Variants in NPSR1 observed in about 807,000 individuals in gnomAD.
NPSR1 encodes neuropeptide S receptor.
Under a neutral mutation model 46.9 loss-of-function variants are expected in NPSR1, and 48 were observed. That is an observed-to-expected ratio of 1.02 (90% CI 0.81 to 1.30). The LOEUF (loss-of-function observed/expected upper bound fraction) is 1.30, where lower values mean the gene tolerates loss of function less well. Among genes scored for constraint, NPSR1 ranks in the 50% most tolerant of loss-of-function variants. The probability of loss-of-function intolerance (pLI) is 0.00; values close to 1 mark genes in which losing one functional copy is unlikely to be tolerated. For missense variants in NPSR1, 450 were observed against 449.5 expected (o/e 1.00, Z -0.01); for synonymous variants, 176 against 168.1 (o/e 1.05, Z -0.36).
intron 2 of NPSR1, among the ~76,000 whole-genome samples, chr7:34,771,965 A>G (rs1786705284): frequency 6.6e-6 from 1 of 152,214 alleles, no homozygotes; most frequent in South Asian, 2.1e-4. Flanking sequence ...TAAACCATGA[A>G]GTCTACCTAG....
chr7:34,715,512 C>T (rs1783517545), intron 2 of NPSR1, among the ~76,000 whole-genome samples: 1 of 152,122 alleles, frequency 6.6e-6, no homozygotes, highest in Non-Finnish European at 1.5e-5. Flanking sequence ...CACAATATCC[C>T]ATGGATGGGG....
Position 34,750,637 on chromosome 7 carries a change from C to T in NPSR1, c.281-27825C>T. 6 of 687,758 alleles carry T rather than the reference C, an allele frequency of 8.7e-6. No homozygotes were observed. In the Admixed American group the frequency reaches 1.1e-4, roughly 13 times the overall value. The allele number at this position is 687,758 out of a possible 1,614,324, so 42.6% of individuals were successfully genotyped here. A position where few individuals can be genotyped will look rare whatever the true frequency, so the allele number is the denominator to read the frequency against. ...TTATAGCCTTGCCCTCAGGCTTGGC[C>T]CCATGTTGTAGCTTGCCCATAACTG... On this transcript the variant is annotated intron_variant, in intron 2 of 8. Transcript: ENST00000360581.
intron 2 of NPSR1, among the ~76,000 whole-genome samples, chr7:34,696,719 A>G (rs1240911257): frequency 6.6e-6 from 1 of 151,846 alleles, no homozygotes; most frequent in African/African-American, 2.4e-5. Context: ...ATATGGAAGT[A>G]GTGAAAAGGA....
intron 2 of NPSR1, among the ~76,000 whole-genome samples, chr7:34,721,205 A>G (rs144911818): frequency 5.2e-3 from 786 of 152,366 alleles, no homozygotes; most frequent in Non-Finnish European, 7.7e-3. Flanking sequence ...TTCATGTTGC[A>G]TAACACCCAA....
chr7:34,684,784 T>A (rs1010208366), intron 2 of NPSR1, 100 bp downstream of exon 2: 5 of 959,980 alleles, frequency 5.2e-6, no homozygotes, highest in Non-Finnish European at 7.5e-6. Context: ...ATGTAACGCA[T>A]CGGTCAATTT....
At chr7:34,768,076 A>C (rs1360847263) in intron 2 of NPSR1, among the ~76,000 whole-genome samples, 1 of 152,200 alleles carries the variant, frequency 6.6e-6, no homozygotes, top group East Asian at 1.9e-4. Flanking sequence ...TCTGATAACT[A>C]TATGTACTGA....
At chr7:34,833,836 C>T (rs1790234199) in intron 5 of NPSR1, among the ~76,000 whole-genome samples, 1 of 152,142 alleles carries the variant, frequency 6.6e-6, no homozygotes. Context: ...TGGCACCTTG[C>T]TTCTTCAAAG....
intron 4 of NPSR1, among the ~76,000 whole-genome samples, chr7:34,821,340 G>A (rs756058360): frequency 6.6e-6 from 1 of 151,916 alleles, no homozygotes; most frequent in Non-Finnish European, 1.5e-5. Flanking sequence ...GTGTTGGCCA[G>A]GCTGGTCTCA....
chr7:34,761,448 CA>C (rs1189611059), intron 2 of NPSR1, among the ~76,000 whole-genome samples: 1 of 152,206 alleles, frequency 6.6e-6, no homozygotes, highest in Non-Finnish European at 1.5e-5. Flanking sequence ...CACAGCTGGA[CA>C]GCAAGGTCTT....
intron 5 of NPSR1, among the ~76,000 whole-genome samples, chr7:34,833,657 G>T (rs1445400729): frequency 3.9e-5 from 6 of 152,188 alleles, no homozygotes; most frequent in Admixed American, 3.9e-4. Context: ...CACAGTTTCT[G>T]TGGGTCAAGA....
chr7:34,794,181 T>C (rs567414606), intron 3 of NPSR1, among the ~76,000 whole-genome samples: 2 of 152,158 alleles, frequency 1.3e-5, no homozygotes, highest in South Asian at 4.1e-4. Context: ...TAAAAAACAA[T>C]AGTGTATTAT....
chr7:34,848,385 C>A, intron 7 of NPSR1, 98 bp from the exon 8 acceptor site: 1 of 971,778 alleles, frequency 1.0e-6, no homozygotes, highest in Non-Finnish European at 1.6e-6. Flanking sequence ...AATTCCAGGT[C>A]CCAAAGAACC....
At chr7:34,856,916 G>C (rs1405683745) in intron 8 of NPSR1, among the ~76,000 whole-genome samples, 1 of 151,400 alleles carries the variant, frequency 6.6e-6, no homozygotes, top group Non-Finnish European at 1.5e-5. Flanking sequence ...TAGATGGGGG[G>C]GGAAATCTCT....
chr7:34,830,684 C>T (rs534737662), intron 5 of NPSR1, among the ~76,000 whole-genome samples: 8 of 152,020 alleles, frequency 5.3e-5, no homozygotes, highest in Non-Finnish European at 1.0e-4. Context: ...TAGTGATTGA[C>T]GTAATTAAGA....
At chr7:34,732,159 T>C (rs1784453944) in intron 2 of NPSR1, among the ~76,000 whole-genome samples, 1 of 151,560 alleles carries the variant, frequency 6.6e-6, no homozygotes, top group South Asian at 2.1e-4. Context: ...TAAAAGTCTA[T>C]CATGTAACAG....
chr7:34,776,228 C>T (rs1448504580), intron 2 of NPSR1, among the ~76,000 whole-genome samples: 2 of 152,028 alleles, frequency 1.3e-5, no homozygotes, highest in East Asian at 1.9e-4. Flanking sequence ...TGGTCTATAG[C>T]GCAGATTAAC....
At chr7:34,741,023 T>G (rs1340190210) in intron 2 of NPSR1, among the ~76,000 whole-genome samples, 1 of 152,234 alleles carries the variant, frequency 6.6e-6, no homozygotes, top group African/African-American at 2.4e-5. Context: ...CCTTATGGCC[T>G]CCATAATTCC....
In NPSR1 at chr7:34,684,538, T is replaced by C. The variant is rs777525670; in HGVS notation, c.148-14T>C. 4 of 1,611,712 alleles carry C rather than the reference T, an allele frequency of 2.5e-6. No homozygotes were observed. The highest frequency in any genetic ancestry group is 3.4e-6 in the Non-Finnish European group (4 of 1,179,242). On this transcript the variant is annotated splice_polypyrimidine_tract_variant and intron_variant, in intron 1 of 8. Transcript: ENST00000360581. ...CACTGGTACACTGGTTTTATTTTTC[T>C]CTGTTTCTTGCAGACTGAGCAATTG...
At chr7:34,832,753 T>A (rs1031911448) in intron 5 of NPSR1, among the ~76,000 whole-genome samples, 3 of 152,234 alleles carry the variant, frequency 2.0e-5, no homozygotes, top group Non-Finnish European at 2.9e-5. Context: ...ACATGGTTGA[T>A]AACCATAAAT....
Sources: gnomAD v4.1 joint callset for allele counts (sites outside exome capture counted in the v4.1 genomes callset) on GRCh38, gnomAD v4.1.1 for gene constraint, MANE v1.5 for transcripts, NCBI Gene and HGNC (gene_info 2026-07-23, HGNC 2026-07-21) for gene names.